The following TNRC18 variants were observed in gnomAD, a reference collection of about 807,000 sequenced individuals.
TNRC18 encodes the protein trinucleotide repeat-containing gene 18 protein.
Under a neutral mutation model 226.7 loss-of-function variants are expected in TNRC18, and 69 were observed. The ratio of observed to expected loss-of-function variants is 0.30; its 90% CI spans 0.25 to 0.37. The LOEUF is 0.37. Ranked by LOEUF, TNRC18 falls within the 10% of genes least tolerant of loss-of-function variation. The pLI, the probability that TNRC18 is intolerant of heterozygous loss-of-function variation, is 1.00. For missense variants in TNRC18, 4,754 were observed against 4,256.6 expected, an observed-to-expected ratio of 1.12 and a Z score of -3.25; for synonymous variants, 2,449 against 1,927.6, an observed-to-expected ratio of 1.27 and a Z score of -7.09.
At position 5,332,602 on chromosome 7, in the gene TNRC18, C is replaced by G. The variant is rs994383457; in HGVS notation, c.6147+20G>C. ...CCCCAGGGACCCTTCTGCGGCACCCCCTCCCAGCGCGGCCCCTACCTTCCT... is the reference window on the plus strand; with the variant it reads ...CCCCAGGGACCCTTCTGCGGCACCCGCTCCCAGCGCGGCCCCTACCTTCCT... On this transcript the variant is annotated intron_variant, in intron 19 of 29. Coordinates refer to ENST00000430969, the MANE Select transcript of TNRC18 (RefSeq NM_001080495.3). The G allele has an allele frequency of 1.1e-5, 16 of 1,513,080 alleles. No individual in the cohort carries two copies. The highest frequency in any genetic ancestry group is 1.2e-5 in the South Asian group (1 of 80,518). The allele number at this position is 1,513,080 out of a possible 1,614,324, so 93.7% of individuals were successfully genotyped here. A position where few individuals can be genotyped will look rare whatever the true frequency, so the allele number is the denominator to read the frequency against.
At chr7:5,336,974 A>G (rs1406194769) in intron 18 of TNRC18, among the ~76,000 whole-genome samples, 2 of 152,232 alleles carry the variant, frequency 1.3e-5, no homozygotes, top group East Asian at 1.9e-4. Flanking sequence ...GCTTTTCCTC[A>G]ATAGCTGAAA....
intron 2 of TNRC18, 168 bp downstream of exon 2, chr7:5,420,892 T>TGG: frequency 1.3e-6 from 1 of 788,008 alleles, no homozygotes; most frequent in African/African-American, 3.6e-5. Flanking sequence ...TCCACCGCCT[T>TGG]GGCTCCGGGA....
At chr7:5,347,927 T>G (rs143539109) in intron 17 of TNRC18, among the ~76,000 whole-genome samples, 1,558 of 152,236 alleles carry the variant, frequency 0.01, 30 homozygotes, top group African/African-American at 0.036. Context: ...CACTCCAGCC[T>G]AGGTGACAGA....
chr7:5,413,967 T>C (rs1363245569), intron 2 of TNRC18, among the ~76,000 whole-genome samples: 1 of 152,216 alleles, frequency 6.6e-6, no homozygotes. Context: ...TATTTGTTTT[T>C]TTTGAGATGG....
At chr7:5,320,062 TA>T (rs879783196) in intron 24 of TNRC18, 49 of 433,468 alleles carry the variant, frequency 1.1e-4, no homozygotes, top group Non-Finnish European at 1.9e-4. Context: ...CTTAAGATGG[TA>T]AAATACAATC....
chr7:5,387,359 A>C (rs994750428), intron 5 of TNRC18, among the ~76,000 whole-genome samples: 4 of 152,202 alleles, frequency 2.6e-5, no homozygotes, highest in African/African-American at 9.6e-5. Flanking sequence ...TGAAGGTTTG[A>C]TATTTGTCTA....
intron 2 of TNRC18, among the ~76,000 whole-genome samples, chr7:5,398,481 T>C (rs1247545444): frequency 6.6e-6 from 1 of 152,006 alleles, no homozygotes; most frequent in Non-Finnish European, 1.5e-5. Flanking sequence ...CCCAGCTAAT[T>C]TTTTTCTTTT....
chr7:5,336,941 C>A (rs1790171979), intron 18 of TNRC18, among the ~76,000 whole-genome samples: 1 of 152,036 alleles, frequency 6.6e-6, no homozygotes, highest in Admixed American at 6.6e-5. Flanking sequence ...AAAGAAAGAA[C>A]AAGAAAAAAT....
intron 24 of TNRC18, among the ~76,000 whole-genome samples, chr7:5,319,504 C>T (rs1323899176): frequency 6.6e-6 from 1 of 152,088 alleles, no homozygotes; most frequent in Non-Finnish European, 1.5e-5. Context: ...CTCCATCCAG[C>T]CTCCATTCTT....
intron 18 of TNRC18, among the ~76,000 whole-genome samples, chr7:5,341,854 T>C (rs1240118858): frequency 2.0e-5 from 3 of 152,006 alleles, no homozygotes; most frequent in Non-Finnish European, 4.4e-5. Flanking sequence ...AAGCCTGCTG[T>C]TGAGACCTAT....
At chr7:5,347,683 G>A (rs1048417657) in intron 17 of TNRC18, among the ~76,000 whole-genome samples, 6 of 150,940 alleles carry the variant, frequency 4.0e-5, no homozygotes, top group Non-Finnish European at 7.4e-5. Flanking sequence ...ATAGGCCAGC[G>A]CAGTGGCTCA....
chr7:5,317,168 C>T (rs1787930437), intron 24 of TNRC18, among the ~76,000 whole-genome samples: 1 of 152,114 alleles, frequency 6.6e-6, no homozygotes, highest in Non-Finnish European at 1.5e-5. Context: ...GTGCACAGAG[C>T]TCCCATCGGC....
intron 2 of TNRC18, among the ~76,000 whole-genome samples, chr7:5,417,552 G>A (rs1782267473): frequency 6.6e-6 from 1 of 152,208 alleles, no homozygotes; most frequent in South Asian, 2.1e-4. Context: ...AAGAACATGA[G>A]CTCCAATGAG....
chr7:5,414,189 C>T (rs1271282737), intron 2 of TNRC18, among the ~76,000 whole-genome samples: 3 of 152,016 alleles, frequency 2.0e-5, no homozygotes, highest in Admixed American at 1.3e-4. Flanking sequence ...TCAGGTGATC[C>T]GCCCACCTCA....
At chr7:5,422,432 T>C (rs968319142) in intron 1 of TNRC18, among the ~76,000 whole-genome samples, 1 of 149,206 alleles carries the variant, frequency 6.7e-6, no homozygotes, top group African/African-American at 2.5e-5. Flanking sequence ...CCCCCTGTAG[T>C]TCCAGGTTAA....
At chr7:5,375,806 A>G (rs545292720) in intron 9 of TNRC18, among the ~76,000 whole-genome samples, 15 of 151,876 alleles carry the variant, frequency 9.9e-5, no homozygotes, top group Non-Finnish European at 2.9e-5. Context: ...TGCCCTGCCA[A>G]TCTCCATCTG....
chr7:5,322,283 A>AATCATCATCATCATC (rs60369027), intron 21 of TNRC18, among the ~76,000 whole-genome samples: 51 of 149,506 alleles, frequency 3.4e-4, no homozygotes, highest in East Asian at 1.0e-3. Context: ...CCGTCTCAAT[A>AATCATCATCATCATC]ATCATCATCA....
rs1221524900 is a variant in TNRC18, at chr7:5,374,407, G to C, written c.2877C>G (p.Gly959=). The change falls in exon 10 of 30, where the codon GGC becomes GGG. Residue 959 remains glycine, a synonymous_variant. Coordinates refer to ENST00000430969, the MANE Select transcript of TNRC18 (RefSeq NM_001080495.3). ...KGSKRGLEAA[G]KAGLATAGPG... is the part of the protein sequence containing the mutation. The stretch of plus-strand genomic sequence containing the variant: ...GGCCGGCGGTGGCCAGGCCAGCCTT[G>C]CCCGCAGCCTCCAGGCCCCGCTTGC... 5.9e-6 allele frequency: 9 copies of C among 1,535,240 alleles called. No individual in the cohort carries two copies. Among genetic ancestry groups the C allele is most frequent in the Non-Finnish European group, 7.9e-6 (9 of 1,140,856 alleles).
chr7:5,329,962 G>T, intron 19 of TNRC18: 1 of 471,098 alleles, frequency 2.1e-6, no homozygotes, highest in South Asian at 1.5e-5. Context: ...TGATACTGTA[G>T]CAGGAACCTG....
Sources: gnomAD v4.1 joint callset for allele counts (sites outside exome capture counted in the v4.1 genomes callset) on GRCh38, gnomAD v4.1.1 for gene constraint, MANE v1.5 for transcripts, NCBI Gene and HGNC (gene_info 2026-07-23, HGNC 2026-07-21) for gene names.